DPF3: variants seen among roughly 807,000 people sequenced by gnomAD.
DPF3 encodes the protein zinc finger protein DPF3.
A neutral mutation model predicts 56.8 loss-of-function variants in DPF3; 18 were observed. The observed-to-expected ratio is 0.32, with a 90% CI of 0.22 to 0.47. The LOEUF is 0.47. DPF3 is among the 20% of genes least tolerant of loss of function. The probability of loss-of-function intolerance (pLI) is 1.00; values close to 1 mark genes in which losing one functional copy is unlikely to be tolerated. For missense variants in DPF3, 403 were observed against 488.8 expected (o/e 0.82, Z 1.65); for synonymous variants, 188 against 180.2 (o/e 1.04, Z -0.35).
At chr14:72,620,733 C>T (rs540677411) in intron 9 of DPF3, among the ~76,000 whole-genome samples, 1 of 152,366 alleles carries the variant, frequency 6.6e-6, no homozygotes, top group African/African-American at 2.4e-5. Flanking sequence ...TAATCTACCT[C>T]AACTGGAAGT....
At chr14:72,867,662 G>C (rs938101475) in intron 1 of DPF3, among the ~76,000 whole-genome samples, 2 of 152,300 alleles carry the variant, frequency 1.3e-5, no homozygotes, top group Middle Eastern at 3.4e-3. Flanking sequence ...TCAAAGTTGG[G>C]GGATGGATAC....
At chr14:72,833,249 G>C (rs569561214) in intron 1 of DPF3, among the ~76,000 whole-genome samples, 29 of 152,320 alleles carry the variant, frequency 1.9e-4, no homozygotes, top group African/African-American at 6.7e-4. Context: ...GGTGGGAAGA[G>C]GGCAGATGTG....
chr14:72,684,364 C>T (rs1259755078), intron 7 of DPF3, among the ~76,000 whole-genome samples: 3 of 151,978 alleles, frequency 2.0e-5, no homozygotes, highest in Non-Finnish European at 4.4e-5. Flanking sequence ...GGAGACCAAT[C>T]AAAAAAGTTT....
At chr14:72,670,618 G>A (rs956019570) in intron 8 of DPF3, 3 of 980,906 alleles carry the variant, frequency 3.1e-6, no homozygotes, top group Middle Eastern at 5.2e-4. Flanking sequence ...ATATTGCTTC[G>A]ATTTCTTTGA....
chr14:72,687,386 A>G (rs1203553410), intron 7 of DPF3, among the ~76,000 whole-genome samples: 1 of 152,230 alleles, frequency 6.6e-6, no homozygotes, highest in African/African-American at 2.4e-5. Context: ...ATGCTATTAA[A>G]TAAAAGAGAT....
intron 8 of DPF3, among the ~76,000 whole-genome samples, chr14:72,663,388 C>G (rs1213615881): frequency 6.6e-6 from 1 of 152,144 alleles, no homozygotes; most frequent in Non-Finnish European, 1.5e-5. Context: ...TTCACAAGCA[C>G]TCACACTCAG....
At chr14:72,671,052 T>A in intron 8 of DPF3, 1 of 1,519,500 alleles carries the variant, frequency 6.6e-7, no homozygotes, top group Non-Finnish European at 8.8e-7. Context: ...TTGCCTTTCA[T>A]TAAAAAAAAT....
chr14:72,711,784 T>G (rs927863451), intron 6 of DPF3, among the ~76,000 whole-genome samples: 1 of 152,040 alleles, frequency 6.6e-6, no homozygotes, highest in African/African-American at 2.4e-5. Context: ...AAAACACTCA[T>G]TCGAAGCACA....
intron 8 of DPF3, among the ~76,000 whole-genome samples, chr14:72,644,400 C>T (rs1214028171): frequency 6.6e-6 from 1 of 152,206 alleles, no homozygotes; most frequent in Non-Finnish European, 1.5e-5. Context: ...GACAATCAAA[C>T]AAATATTTAT....
intron 8 of DPF3, among the ~76,000 whole-genome samples, chr14:72,641,054 A>G (rs1241601078): frequency 1.3e-5 from 2 of 152,200 alleles, no homozygotes; most frequent in Non-Finnish European, 2.9e-5. Context: ...GAGGCACCTC[A>G]TGACATCCAA....
intron 1 of DPF3, among the ~76,000 whole-genome samples, chr14:72,889,310 A>G (rs1886662244): frequency 6.6e-6 from 1 of 152,224 alleles, no homozygotes. Flanking sequence ...GTGTCTCATC[A>G]AAAGCAGACA....
intron 8 of DPF3, among the ~76,000 whole-genome samples, chr14:72,643,940 C>T (rs914848869): frequency 6.6e-6 from 1 of 152,182 alleles, no homozygotes; most frequent in Non-Finnish European, 1.5e-5. Context: ...GAGACCCCAA[C>T]GAAGCCTCAC....
At chr14:72,646,769 C>T (rs1885739037) in intron 8 of DPF3, among the ~76,000 whole-genome samples, 1 of 152,230 alleles carries the variant, frequency 6.6e-6, no homozygotes. Flanking sequence ...CTTCTCATTT[C>T]TCCAAGCCAC....
In DPF3 at chr14:72,886,339, T is replaced by C. The variant is rs192165196; in HGVS notation, c.32+7718A>G. Among the ~76,000 whole-genome samples the C allele has an allele frequency of 3.8e-3, 576 of 152,092 alleles. 12 individuals carry two copies. Among genetic ancestry groups the C allele is most frequent in the Admixed American group, 0.029 (436 of 15,286 alleles). ...GTGAGCCAAGATCGCGTCACTGCAC[T>C]CCAGCCTGGGTGACAGAGCGAGACT... On this transcript the variant is annotated intron_variant, in intron 1 of 10. Coordinates refer to ENST00000556509, the MANE Select transcript of DPF3 (RefSeq NM_001280542.3).
At chr14:72,860,358 T>C (rs1388176743) in intron 1 of DPF3, among the ~76,000 whole-genome samples, 1 of 152,100 alleles carries the variant, frequency 6.6e-6, no homozygotes, top group Non-Finnish European at 1.5e-5. Flanking sequence ...TATTTTGTTT[T>C]ACTTTTTGTA....
intron 7 of DPF3, among the ~76,000 whole-genome samples, chr14:72,687,038 T>C (rs1887442240): frequency 6.6e-6 from 1 of 152,258 alleles, no homozygotes; most frequent in Non-Finnish European, 1.5e-5. Context: ...TTAGATAATT[T>C]GCACATTATC....
intron 6 of DPF3, among the ~76,000 whole-genome samples, chr14:72,702,218 T>G (rs1322419179): frequency 6.6e-6 from 1 of 151,442 alleles, no homozygotes; most frequent in African/African-American, 2.4e-5. Flanking sequence ...GTGGCCTGCT[T>G]CACCCATGCT....
At chr14:72,709,088 C>T (rs1466694402) in intron 6 of DPF3, among the ~76,000 whole-genome samples, 3 of 152,242 alleles carry the variant, frequency 2.0e-5, no homozygotes, top group Admixed American at 6.5e-5. Context: ...GACTTTAGAA[C>T]GGGAAGAGAC....
chr14:72,683,091 C>T (rs1209040849), intron 7 of DPF3, among the ~76,000 whole-genome samples: 2 of 152,080 alleles, frequency 1.3e-5, no homozygotes, highest in African/African-American at 2.4e-5. Context: ...TTTTGGGAGG[C>T]CAAGGCAGGT....
Sources: gnomAD v4.1 joint callset for allele counts (sites outside exome capture counted in the v4.1 genomes callset) on GRCh38, gnomAD v4.1.1 for gene constraint, MANE v1.5 for transcripts, NCBI Gene and HGNC (gene_info 2026-07-23, HGNC 2026-07-21) for gene names.